Variants in PRKAR2A observed in about 807,000 individuals in gnomAD.
PRKAR2A encodes protein kinase cAMP-dependent type II regulatory subunit alpha.
A neutral mutation model predicts 51.9 loss-of-function variants in PRKAR2A; 29 were observed. That is an observed-to-expected ratio of 0.56 (90% CI 0.42 to 0.76). PRKAR2A has a LOEUF of 0.76. Among genes scored for constraint, PRKAR2A ranks in the 30% least tolerant of loss-of-function variants. The probability of loss-of-function intolerance (pLI) is 0.00; values close to 1 mark genes in which losing one functional copy is unlikely to be tolerated. For missense variants in PRKAR2A, 445 were observed against 512.1 expected (o/e 0.87, Z 1.26); for synonymous variants, 178 against 186.2 (o/e 0.96, Z 0.36).
At chr3:48,776,816 G>C (rs2082113211) in intron 5 of PRKAR2A, among the ~76,000 whole-genome samples, 1 of 152,134 alleles carries the variant, frequency 6.6e-6, no homozygotes, top group Admixed American at 6.6e-5. Context: ...ACTCCAGCCT[G>C]GGTGGCAGAG....
At position 48,819,007 on chromosome 3, in the gene PRKAR2A, CT is replaced by C. The variant is rs900424792; in HGVS notation, c.263-11324del. ...CTGCCACGTATACCCTGTTCAAACA[CT>C]TTTTTTTTTTTGAGACAGAGTTTCG... On this transcript the variant is annotated intron_variant, in intron 1 of 10. Coordinates refer to ENST00000265563, the MANE Select transcript of PRKAR2A (RefSeq NM_004157.4). Among the ~76,000 whole-genome samples, 97 of 146,092 alleles carry C rather than the reference CT, an allele frequency of 6.6e-4. 1 individual carries two copies. Among genetic ancestry groups the C allele is most frequent in the African/African-American group, 9.2e-4 (37 of 40,148 alleles).
Position 48,834,042 on chromosome 3 carries a change from AAAAAAAAAG to A in PRKAR2A, c.262+13284_262+13292del, listed in dbSNP as rs1181451280. 9.9e-5 allele frequency among the ~76,000 whole-genome samples: 15 copies of A among 151,936 alleles called. 1 individual carries two copies. The South Asian group carries it at 1.9e-3, about 19-fold the overall frequency. On this transcript the variant is annotated intron_variant, in intron 1 of 10. Coordinates refer to ENST00000265563, the MANE Select transcript of PRKAR2A (RefSeq NM_004157.4). The stretch of plus-strand genomic sequence containing the variant: ...AAAGCAAGACTCCGTCTTAAAAAAA[AAAAAAAAAG>A]AAAAAAAAGAAAAAGAAAATGGTTT...
At chr3:48,784,433 C>T (rs774511135) in intron 4 of PRKAR2A, among the ~76,000 whole-genome samples, 1 of 152,174 alleles carries the variant, frequency 6.6e-6, no homozygotes, top group Non-Finnish European at 1.5e-5. Context: ...TTGCAACTGA[C>T]GTGTTACCCA....
intron 4 of PRKAR2A, among the ~76,000 whole-genome samples, chr3:48,784,298 T>A (rs1013909561): frequency 2.6e-5 from 4 of 152,280 alleles, no homozygotes; most frequent in Middle Eastern, 6.8e-3. Flanking sequence ...ACTGCATAAT[T>A]CCATGTGATT....
rs891517720 is a variant in PRKAR2A at position 48,785,081 on chromosome 3, A to G, written c.436-1989T>C. On this transcript the variant is annotated intron_variant, in intron 4 of 10. Transcript: ENST00000265563. ...GTTTATTAAATGGTATTGTGTTAACATAGGAAAATATTCTTTTTTTTTTTT... is the reference window on the plus strand; with the variant it reads ...GTTTATTAAATGGTATTGTGTTAACGTAGGAAAATATTCTTTTTTTTTTTT... Among the ~76,000 whole-genome samples the G allele has an allele frequency of 2.1e-5, 3 of 144,362 alleles. No homozygotes were observed. The East Asian group carries it at 6.5e-4, about 31-fold the overall frequency. The allele number at this position is 144,362 out of a possible 152,430, so 94.7% of individuals were successfully genotyped here.
intron 1 of PRKAR2A, among the ~76,000 whole-genome samples, chr3:48,829,605 AATGTG>A (rs2083137993): frequency 1.6e-5 from 1 of 64,442 alleles, no homozygotes; most frequent in Non-Finnish European, 2.8e-5. Context: ...CACACACATA[AATGTG>A]TGTGTGTATA....
In PRKAR2A at chr3:48,799,177, T is replaced by C. The variant is rs2082545512; in HGVS notation, c.299-5128A>G. Among the ~76,000 whole-genome samples the C allele has an allele frequency of 3.3e-5, 5 of 152,188 alleles. No homozygotes were observed. In the South Asian group the frequency reaches 1.0e-3, roughly 32 times the overall value. On this transcript the variant is annotated intron_variant, in intron 2 of 10. Coordinates refer to ENST00000265563, the MANE Select transcript of PRKAR2A (RefSeq NM_004157.4). ...CAAGTTACCTGGAGAAGGTCCAGAA[T>C]CTGTGTGATCCCCTACGCAACCTCA...
Position 48,807,732 on chromosome 3 carries a change from G to A in PRKAR2A, c.263-48C>T, listed in dbSNP as rs775516866. On this transcript the variant is annotated intron_variant, in intron 1 of 10. Transcript: ENST00000265563. Reference sequence around the variant, plus strand: ...TTAGTCATTATTATGTCACCAGGCCGCATTTTTATCCTCCCTTTTTGCAAA... The same window carrying A: ...TTAGTCATTATTATGTCACCAGGCCACATTTTTATCCTCCCTTTTTGCAAA... 16 of 1,526,386 alleles carry A rather than the reference G, an allele frequency of 1.0e-5. 1 individual carries two copies. In the East Asian group the frequency reaches 1.6e-4, roughly 15 times the overall value. 94.6% of individuals were successfully genotyped at this position (1,526,386 alleles called of 1,614,324 possible).
intron 1 of PRKAR2A, among the ~76,000 whole-genome samples, chr3:48,808,379 C>G (rs1412476645): frequency 6.6e-6 from 1 of 151,738 alleles, no homozygotes; most frequent in Non-Finnish European, 1.5e-5. Context: ...TCAGCCTCCC[C>G]AGTAGCTGGG....
chr3:48,802,427 T>C (rs1455351178), intron 2 of PRKAR2A, among the ~76,000 whole-genome samples: 1 of 152,116 alleles, frequency 6.6e-6, no homozygotes, highest in South Asian at 2.1e-4. Flanking sequence ...AAGAGTCTGA[T>C]TAGATTCTTA....
intron 1 of PRKAR2A, among the ~76,000 whole-genome samples, chr3:48,829,586 GTATA>G (rs56374706): frequency 0.56 from 37,476 of 67,036 alleles, 12,174 homozygotes; most frequent in East Asian, 0.83. Context: ...ATATATGTGT[GTATA>G]TATACACACA....
In PRKAR2A at chr3:48,750,539, T is replaced by G. The variant is rs1282609406; in HGVS notation, c.*1046A>C. 1.3e-5 allele frequency: 2 copies of G among 152,260 alleles called. No homozygotes were observed. The highest frequency in any genetic ancestry group is 2.9e-5 in the Non-Finnish European group (2 of 68,058). The allele number at this position is 152,260 out of a possible 1,614,324, so 9.4% of individuals were successfully genotyped here. ...TAATTTCAAAAAAATAGCTGCTGCT[T>G]CTTTAAAGAGTTTAAAAATTGATCG... is the stretch of plus-strand genomic sequence containing the variant. On this transcript the variant is annotated 3_prime_UTR_variant, in exon 11 of 11. Coordinates refer to ENST00000265563, the MANE Select transcript of PRKAR2A (RefSeq NM_004157.4).
In PRKAR2A at chr3:48,751,706, T is replaced by G; in HGVS notation, c.1094A>C (p.Gln365Pro). ...GDVKCLVMDV[Q>P]AFERLLGPCM... Reference sequence around the variant, plus strand: ...GGGCCCCAGAAGCCTCTCGAATGCTTGTACATCCATAACTGCATTGTTAAA... The same window carrying G: ...GGGCCCCAGAAGCCTCTCGAATGCTGGTACATCCATAACTGCATTGTTAAA... Residue 365 changes from glutamine to proline, a missense_variant, in exon 11 of 11, where the codon CAA (glutamine) becomes CCA (proline). Coordinates refer to ENST00000265563, the MANE Select transcript of PRKAR2A (RefSeq NM_004157.4). 1 of 1,612,768 alleles carries G rather than the reference T, an allele frequency of 6.2e-7. No homozygotes were observed. The highest frequency in any genetic ancestry group is 8.5e-7 in the Non-Finnish European group (1 of 1,178,860).
chr3:48,817,296 C>T (rs987991247), intron 1 of PRKAR2A, among the ~76,000 whole-genome samples: 1 of 150,820 alleles, frequency 6.6e-6, no homozygotes, highest in African/African-American at 2.4e-5. Flanking sequence ...CACCATACTC[C>T]ATCCTGGTGA....
chr3:48,778,651 C>G (rs1282162782), intron 5 of PRKAR2A, among the ~76,000 whole-genome samples: 1 of 151,836 alleles, frequency 6.6e-6, no homozygotes, highest in Non-Finnish European at 1.5e-5. Context: ...TCCCAGGTAG[C>G]TGGGACTACA....
intron 2 of PRKAR2A, among the ~76,000 whole-genome samples, chr3:48,794,962 A>C (rs1435672329): frequency 6.6e-6 from 1 of 152,150 alleles, no homozygotes; most frequent in East Asian, 1.9e-4. Flanking sequence ...GAAAGGAATG[A>C]AACTTCTCTG....
rs1302965163 is a variant in PRKAR2A at position 48,829,859 on chromosome 3, A to ATAT, written c.262+17473_262+17475dup. ...TATATGCGTGTGTGTATATATATAT[A>ATAT]TATATATATATATTTTTTTTTTTTT... is the stretch of plus-strand genomic sequence containing the variant. On this transcript the variant is annotated intron_variant, in intron 1 of 10. Coordinates refer to ENST00000265563, the MANE Select transcript of PRKAR2A (RefSeq NM_004157.4). Among the ~76,000 whole-genome samples, 59 of 82,500 alleles carry ATAT rather than the reference A, an allele frequency of 7.2e-4. No individual in the cohort carries two copies. In the South Asian group the frequency reaches 0.022, roughly 30 times the overall value. 54.1% of individuals were successfully genotyped at this position (82,500 alleles called of 152,430 possible).
intron 1 of PRKAR2A, among the ~76,000 whole-genome samples, chr3:48,819,255 A>C (rs2082922683): frequency 6.6e-6 from 1 of 152,210 alleles, no homozygotes; most frequent in Admixed American, 6.5e-5. Context: ...ACTTCAGGTG[A>C]TCCGCCAGCC....
At chr3:48,828,726 A>AAAAAG (rs1553680733) in intron 1 of PRKAR2A, among the ~76,000 whole-genome samples, 7 of 150,972 alleles carry the variant, frequency 4.6e-5, no homozygotes, top group Non-Finnish European at 1.0e-4. Context: ...AAAAAAAAAA[A>AAAAAG]AAAGAAAGAA....
Sources: allele counts gnomAD v4.1 joint callset (sites outside exome capture counted in the v4.1 genomes callset), GRCh38; gene constraint gnomAD v4.1.1; transcripts MANE v1.5; gene names NCBI Gene and HGNC (gene_info 2026-07-23, HGNC 2026-07-21).